DIP2C: variants seen among roughly 807,000 people sequenced by gnomAD.
The protein encoded by DIP2C is disco-interacting protein 2 homolog C.
A neutral mutation model predicts 192.4 loss-of-function variants in DIP2C; 33 were observed. The ratio of observed to expected loss-of-function variants is 0.17; its 90% confidence interval spans 0.13 to 0.23. The LOEUF is 0.23. Ranked by LOEUF, DIP2C falls within the 10% of genes least tolerant of loss-of-function variation. The pLI, the probability that DIP2C is intolerant of heterozygous loss-of-function variation, is 1.00. For missense variants in DIP2C, 1,537 were observed against 2,110.1 expected (o/e 0.73, Z 5.32); for synonymous variants, 979 against 864.1 (o/e 1.13, Z -2.33).
At chr10:281,826 G>A (rs1465867629) in intron 35 of DIP2C, among the ~76,000 whole-genome samples, 2 of 152,174 alleles carry the variant, frequency 1.3e-5, no homozygotes, top group East Asian at 1.9e-4. Flanking sequence ...TCTTGCTCTT[G>A]TTCATGAACA....
chr10:356,163 T>C (rs1006796597), intron 24 of DIP2C: 2 of 579,066 alleles, frequency 3.5e-6, no homozygotes, highest in African/African-American at 3.7e-5. Context: ...CTCTTGCAGA[T>C]ATCATTACTC....
intron 34 of DIP2C, 134 bp downstream of exon 34, chr10:286,139 A>G (rs2132166568): frequency 1.3e-6 from 1 of 788,494 alleles, no homozygotes; most frequent in Non-Finnish European, 2.1e-6. Context: ...GCTATTTCCC[A>G]GGCAATCATA....
chr10:543,129 A>ACT (rs1161315256), intron 1 of DIP2C, among the ~76,000 whole-genome samples: 1 of 152,232 alleles, frequency 6.6e-6, no homozygotes, highest in Non-Finnish European at 1.5e-5. Context: ...ATACAACTGG[A>ACT]CAGCAGTGAG....
At chr10:331,013 G>A (rs546803196) in intron 29 of DIP2C, among the ~76,000 whole-genome samples, 115 of 135,686 alleles carry the variant, frequency 8.5e-4, no homozygotes, top group Non-Finnish European at 1.5e-3. Flanking sequence ...ATACGGTTTC[G>A]TATTGTTGCC....
intron 1 of DIP2C, among the ~76,000 whole-genome samples, chr10:500,100 C>T (rs1435943631): frequency 6.6e-6 from 1 of 152,246 alleles, no homozygotes; most frequent in Non-Finnish European, 1.5e-5. Context: ...TCCTGCAAGC[C>T]TTCACAGCAG....
Position 363,147 on chromosome 10 carries a change from G to A in DIP2C, c.2592+50C>T, listed in dbSNP as rs1394741896. 2.6e-6 allele frequency: 4 copies of A among 1,527,540 alleles called. No homozygotes were observed. Among genetic ancestry groups the A allele is most frequent in the African/African-American group, 1.4e-5 (1 of 73,118 alleles). 94.6% of individuals were successfully genotyped at this position (1,527,540 alleles called of 1,614,324 possible). A position where few individuals can be genotyped will look rare whatever the true frequency, so the allele number is the denominator to read the frequency against. ...CACCATGATCTGAATGAAGTAAGGA[G>A]GCCAGAAACAAGACACAGGGGACCA... On this transcript the variant is annotated intron_variant, in intron 21 of 36. Coordinates refer to ENST00000280886, the MANE Select transcript of DIP2C (RefSeq NM_014974.3). This position sits in a 1 kb window ranked among gnomAD's most constrained non-coding sequence, Gnocchi z 5.4.
chr10:651,590 A>C lies in DIP2C; in HGVS notation c.85+37904T>G. On this transcript the variant is annotated intron_variant, in intron 1 of 36. Transcript: ENST00000280886. This position sits in a 1 kb window ranked among gnomAD's most constrained non-coding sequence, Gnocchi z 4.1. ...TGTTGTTAAGCAGTATTTCCCCCAA[A>C]AGGTGCATCTTTTATAAAACAAGAA... 2.7e-6 allele frequency: 1 copy of C among 374,132 alleles called. No homozygotes were observed. The highest frequency in any genetic ancestry group is 5.2e-6 in the Non-Finnish European group (1 of 193,452). The allele number at this position is 374,132 out of a possible 1,614,324, so 23.2% of individuals were successfully genotyped here. A position where few individuals can be genotyped will look rare whatever the true frequency, so the allele number is the denominator to read the frequency against.
At chr10:560,810 G>T (rs145024276) in intron 1 of DIP2C, among the ~76,000 whole-genome samples, 1 of 152,056 alleles carries the variant, frequency 6.6e-6, no homozygotes, top group East Asian at 1.9e-4. Context: ...ATGATCGGTG[G>T]GGGGTGGGAC....
intron 1 of DIP2C, among the ~76,000 whole-genome samples, chr10:517,738 A>C (rs754454306): frequency 1.3e-5 from 2 of 152,182 alleles, no homozygotes; most frequent in Non-Finnish European, 2.9e-5. Context: ...GCTTACAAAC[A>C]CAAGTATGTT....
chr10:463,974 C>G (rs1174325540), intron 3 of DIP2C, among the ~76,000 whole-genome samples: 1 of 152,154 alleles, frequency 6.6e-6, no homozygotes, highest in Non-Finnish European at 1.5e-5. Context: ...CCCTTCTGTA[C>G]ACCTTATACA....
chr10:595,900 TAACA>T (rs1277221038), intron 1 of DIP2C, among the ~76,000 whole-genome samples: 3 of 152,230 alleles, frequency 2.0e-5, no homozygotes, highest in East Asian at 3.8e-4. Context: ...AAGGGATGGT[TAACA>T]AACTAACTGT....
chr10:423,487 G>A (rs1274926770), intron 4 of DIP2C, among the ~76,000 whole-genome samples: 1 of 151,928 alleles, frequency 6.6e-6, no homozygotes, highest in Non-Finnish European at 1.5e-5. Context: ...TACTACATCG[G>A]TGTGTTAGAT....
In DIP2C at chr10:666,553, G is replaced by A. The variant is rs1588723629; in HGVS notation, c.85+22941C>T. On this transcript the variant is annotated intron_variant, in intron 1 of 36. Coordinates refer to ENST00000280886, the MANE Select transcript of DIP2C (RefSeq NM_014974.3). The surrounding 1 kb of genome is among the most constrained non-coding windows in gnomAD (Gnocchi z 4.1). ...GGGAGCAGCCGGTTTCTGCACACAG[G>A]TAACATAGAACTGGGGGTAAGCAAA... is the stretch of plus-strand genomic sequence containing the variant. 1 of 151,156 alleles carries A rather than the reference G, an allele frequency of 6.6e-6. No individual in the cohort carries two copies. The highest frequency in any genetic ancestry group is 2.5e-5 in the African/African-American group (1 of 40,448). The allele number at this position is 151,156 out of a possible 1,614,324, so 9.4% of individuals were successfully genotyped here.
At chr10:571,072 C>CA (rs1417517548) in intron 1 of DIP2C, among the ~76,000 whole-genome samples, 1 of 152,198 alleles carries the variant, frequency 6.6e-6, no homozygotes, top group African/African-American at 2.4e-5. Context: ...GGTGCCCCCA[C>CA]AATTACAGGA....
At chr10:658,091 T>G (rs111045327) in intron 1 of DIP2C, among the ~76,000 whole-genome samples, 1 of 137,474 alleles carries the variant, frequency 7.3e-6, no homozygotes, top group Non-Finnish European at 1.5e-5. Context: ...CTGGACCTGA[T>G]GCTGGACCTG....
At chr10:448,071 G>A (rs867955105) in intron 3 of DIP2C, among the ~76,000 whole-genome samples, 228 of 108,274 alleles carry the variant, frequency 2.1e-3, no homozygotes, top group Middle Eastern at 8.6e-3. Flanking sequence ...ACTCATCCCC[G>A]TCTATACTCA....
chr10:592,019 C>T (rs549886884), intron 1 of DIP2C, among the ~76,000 whole-genome samples: 19 of 152,152 alleles, frequency 1.2e-4, no homozygotes, highest in African/African-American at 2.2e-4. Flanking sequence ...ACATTTCAAG[C>T]GAAGAAAACA....
intron 13 of DIP2C, among the ~76,000 whole-genome samples, chr10:389,205 G>A (rs1469315876): frequency 1.3e-5 from 2 of 151,848 alleles, no homozygotes; most frequent in African/African-American, 4.8e-5. Flanking sequence ...AGGGGCATGG[G>A]GGTTCTCAAG....
intron 1 of DIP2C, among the ~76,000 whole-genome samples, chr10:674,789 T>TAGAGAGAGAGAGAG (rs1554772102): frequency 4.8e-5 from 3 of 62,486 alleles, no homozygotes; most frequent in African/African-American, 9.0e-5. Flanking sequence ...TATATATATA[T>TAGAGAGAGAGAGAG]AGAGAGAGAG....
Sources: gnomAD v4.1 joint callset for allele counts (sites outside exome capture counted in the v4.1 genomes callset) on GRCh38, gnomAD v4.1.1 for gene constraint, Gnocchi (gnomAD v3.1) non-coding constraint, MANE v1.5 for transcripts, NCBI Gene and HGNC (gene_info 2026-07-23, HGNC 2026-07-21) for gene names.